CLTB: variants seen among roughly 807,000 people sequenced by gnomAD.
The protein encoded by CLTB is clathrin light chain B.
CLTB carries 10 observed loss-of-function variants against 30.5 expected under a neutral mutation model. That is an observed-to-expected ratio of 0.33 (90% CI 0.20 to 0.56). The LOEUF (loss-of-function observed/expected upper bound fraction) is 0.56. Among genes scored for constraint, CLTB ranks in the 20% least tolerant of loss-of-function variants. The pLI is 0.91. For synonymous variants in CLTB, 102 were observed against 120.3 expected, an observed-to-expected ratio of 0.85 and a Z score of 1.00; for missense variants, 261 against 308.3, an observed-to-expected ratio of 0.85 and a Z score of 1.15.
rs750071352 is a variant in CLTB at position 176,392,814 on chromosome 5, G to A, written c.650C>T (p.Ser217Leu). Residue 217 changes from serine to leucine, a missense_variant, in exon 6 of 6, where the codon TCG (serine) becomes TTG (leucine). Around this residue, in one of 3 missense-constraint regions of CLTB, gnomAD observed 25 missense variants for 48.8 expected, o/e 0.51. Coordinates refer to ENST00000310418, the MANE Select transcript of CLTB (RefSeq NM_007097.5). This position sits in a 1 kb window ranked among gnomAD's most constrained non-coding sequence, Gnocchi z 5.2. ...KQCKDVSRLR[S>L]VLMSLKQTPL... Reference sequence around the variant, plus strand: ...CGTCTGCTTCAGGGACATGAGCACCGAGCGCAGGCGGGACACATCTTTGCA... The same window carrying A: ...CGTCTGCTTCAGGGACATGAGCACCAAGCGCAGGCGGGACACATCTTTGCA... 8.1e-6 allele frequency: 13 copies of A among 1,614,122 alleles called. No individual in the cohort carries two copies. The highest frequency in any genetic ancestry group is 6.7e-5 in the East Asian group (3 of 44,900).
At chr5:176,395,725 C>T (rs1205771396) in intron 5 of CLTB, among the ~76,000 whole-genome samples, 2 of 152,140 alleles carry the variant, frequency 1.3e-5, no homozygotes, top group Non-Finnish European at 2.9e-5. Flanking sequence ...TGGGCAGGGG[C>T]TGATGGCCAA....
At position 176,400,232 on chromosome 5, in the gene CLTB, AG is replaced by A. The variant is rs551000640; in HGVS notation, c.235-2186del. Among the ~76,000 whole-genome samples, 763 of 152,268 alleles carry A rather than the reference AG, an allele frequency of 5.0e-3. 8 individuals are homozygous for A. The highest frequency in any genetic ancestry group is 8.9e-3 in the Non-Finnish European group (602 of 68,014). On this transcript the variant is annotated intron_variant, in intron 2 of 5. Transcript: ENST00000310418. The stretch of plus-strand genomic sequence containing the variant: ...AAGAAAGAAAGAAAGAAAGAAAAAA[AG>A]GAATAATATTAAGAACACCTCTAAG...
At position 176,397,992 on chromosome 5, in the gene CLTB, G is replaced by A. The variant is rs1310406740; in HGVS notation, c.290C>T (p.Thr97Ile). ...YAAIAQADRL[T>I]QEPESIRKWR... Reference sequence around the variant, plus strand: ...CTTGCGGATGCTCTCAGGCTCCTGGGTCAGCCTGTCAGCCTGGGCAATGGC... The same window carrying A: ...CTTGCGGATGCTCTCAGGCTCCTGGATCAGCCTGTCAGCCTGGGCAATGGC... Residue 97 changes from threonine (T) to isoleucine (I), a missense_variant, in exon 3 of 6, where the codon ACC becomes ATC. Coordinates refer to ENST00000310418, the MANE Select transcript of CLTB (RefSeq NM_007097.5). The A allele has an allele frequency of 6.2e-7, 1 of 1,614,118 alleles. No homozygotes were observed. Among genetic ancestry groups the A allele is most frequent in the South Asian group, 1.1e-5 (1 of 91,086 alleles).
chr5:176,416,138 C>A, intron 1 of CLTB, 39 bp downstream of exon 1: 2 of 1,472,294 alleles, frequency 1.4e-6, no homozygotes, highest in Non-Finnish European at 8.9e-7. Context: ...CCCCCGGGTG[C>A]GCGCCCTGAG....
At chr5:176,406,188 C>G (rs951261253) in intron 2 of CLTB, 1 of 995,192 alleles carries the variant, frequency 1.0e-6, no homozygotes, top group Non-Finnish European at 1.2e-6. Context: ...TCAGTCATGG[C>G]CAGGAGGGTT....
At position 176,392,541 on chromosome 5, in the gene CLTB, G is replaced by A. The variant is rs1379893347; in HGVS notation, c.*233C>T. 2 of 537,852 alleles carry A rather than the reference G, an allele frequency of 3.7e-6. No homozygotes were observed. Among genetic ancestry groups the A allele is most frequent in the Non-Finnish European group, 6.6e-6 (2 of 301,200 alleles). The allele number at this position is 537,852 out of a possible 1,614,324, so 33.3% of individuals were successfully genotyped here. ...TTAAGCCAAGAAAAAAAATACATCA[G>A]GAGGGACAGTCACAATTGAGTAGAC... is the stretch of plus-strand genomic sequence containing the variant. On this transcript the variant is annotated 3_prime_UTR_variant, in exon 6 of 6. Coordinates refer to ENST00000310418, the MANE Select transcript of CLTB (RefSeq NM_007097.5). The surrounding 1 kb of genome is among the most constrained non-coding windows in gnomAD (Gnocchi z 5.2).
intron 1 of CLTB, 99 bp from the exon 2 acceptor site, chr5:176,410,402 C>T: frequency 1.1e-6 from 1 of 906,566 alleles, no homozygotes; most frequent in South Asian, 1.5e-5. Flanking sequence ...CTGTGTATAC[C>T]CATGTATATA....
chr5:176,397,769 G>T, intron 3 of CLTB, 51 bp from the exon 4 acceptor site: 1 of 1,558,964 alleles, frequency 6.4e-7, no homozygotes, highest in Non-Finnish European at 8.8e-7. Context: ...GGATGCACAG[G>T]CCCGGCCGCG....
rs1181972031 is a variant in CLTB at position 176,402,987 on chromosome 5, G to A, written c.235-4940C>T. Among the ~76,000 whole-genome samples, 7 of 152,050 alleles carry A rather than the reference G, an allele frequency of 4.6e-5. 1 individual carries two copies. The highest frequency in any genetic ancestry group is 9.7e-5 in the African/African-American group (4 of 41,402). On this transcript the variant is annotated intron_variant, in intron 2 of 5. Coordinates refer to ENST00000310418, the MANE Select transcript of CLTB (RefSeq NM_007097.5). ...GAGGAGAGGAGTGGTGAGGGGCCCTGAACAGGAGTCTCTTTTCATCTGTAT... is the reference window on the plus strand; with the variant it reads ...GAGGAGAGGAGTGGTGAGGGGCCCTAAACAGGAGTCTCTTTTCATCTGTAT...
chr5:176,411,426 C>T (rs2113682123), intron 1 of CLTB, among the ~76,000 whole-genome samples: 1 of 152,292 alleles, frequency 6.6e-6, no homozygotes, highest in South Asian at 2.1e-4. Flanking sequence ...GGTGCTGTTC[C>T]CTCTGCCTGG....
chr5:176,414,615 G>GT (rs1350987533), intron 1 of CLTB, among the ~76,000 whole-genome samples: 1 of 151,956 alleles, frequency 6.6e-6, no homozygotes, highest in Non-Finnish European at 1.5e-5. Context: ...GCTAATTTTT[G>GT]TATGTTTTGT....
chr5:176,404,835 C>A (rs901702304), intron 2 of CLTB, among the ~76,000 whole-genome samples: 2 of 152,234 alleles, frequency 1.3e-5, no homozygotes, highest in African/African-American at 4.8e-5. Flanking sequence ...TTCCCTTGGC[C>A]TTGGCCAAGG....
intron 1 of CLTB, among the ~76,000 whole-genome samples, chr5:176,411,077 A>G (rs1156964819): frequency 6.6e-6 from 1 of 152,236 alleles, no homozygotes; most frequent in Non-Finnish European, 1.5e-5. Flanking sequence ...CTGGGAAGAC[A>G]TAACTGTGTC....
intron 2 of CLTB, among the ~76,000 whole-genome samples, chr5:176,402,411 G>A (rs1182459664): frequency 6.6e-6 from 1 of 152,294 alleles, no homozygotes. Context: ...TCCTCTATTC[G>A]TGCACTCTTG....
intron 1 of CLTB, among the ~76,000 whole-genome samples, chr5:176,410,508 A>C (rs992182648): frequency 6.6e-6 from 1 of 152,140 alleles, no homozygotes; most frequent in South Asian, 2.1e-4. Flanking sequence ...CCATTAGTAC[A>C]TTTTATGTTC....
chr5:176,397,741 G>C (rs757907734), intron 3 of CLTB, 23 bp from the exon 4 acceptor site: 54 of 1,604,840 alleles, frequency 3.4e-5, no homozygotes, highest in Non-Finnish European at 4.6e-5. Flanking sequence ...AAGAGAATGA[G>C]TGGCTGCTTT....
intron 3 of CLTB, 25 bp from the exon 4 acceptor site, chr5:176,397,743 G>T (rs1756614957): frequency 1.2e-6 from 2 of 1,601,994 alleles, no homozygotes; most frequent in Admixed American, 1.7e-5. Flanking sequence ...GAGAATGAGT[G>T]GCTGCTTTCC....
Position 176,392,594 on chromosome 5 carries a change from G to C in CLTB, c.*180C>G. 1 of 622,454 alleles carries C rather than the reference G, an allele frequency of 1.6e-6. No homozygotes were observed. The allele number at this position is 622,454 out of a possible 1,614,324, so 38.6% of individuals were successfully genotyped here. A position where few individuals can be genotyped will look rare whatever the true frequency, so the allele number is the denominator to read the frequency against. ...AGAGGAGGCGTGAGGGGCTGGACCA[G>C]AGGGCCAGGAGGGAGCGAGGCGTGA... is the stretch of plus-strand genomic sequence containing the variant. On this transcript the variant is annotated 3_prime_UTR_variant, in exon 6 of 6. Transcript: ENST00000310418. The surrounding 1 kb of genome is among the most constrained non-coding windows in gnomAD (Gnocchi z 5.2).
Position 176,416,071 on chromosome 5 carries a change from GC to G in CLTB, c.187+105del. Reference sequence around the variant, plus strand: ...TTCTTCCCCACGTCTCCCAGCTCCTGCCCCGGGTGGCCTAGAGCAGGCTCTC... The same window carrying G: ...TTCTTCCCCACGTCTCCCAGCTCCTGCCCGGGTGGCCTAGAGCAGGCTCTC... On this transcript the variant is annotated intron_variant, in intron 1 of 5. Coordinates refer to ENST00000310418, the MANE Select transcript of CLTB (RefSeq NM_007097.5). The G allele has an allele frequency of 4.8e-6, 5 of 1,039,776 alleles. No homozygotes were observed. The South Asian group carries it at 5.4e-5, about 11-fold the overall frequency. 64.4% of individuals were successfully genotyped at this position (1,039,776 alleles called of 1,614,324 possible).
Sources: allele counts gnomAD v4.1 joint callset (sites outside exome capture counted in the v4.1 genomes callset), GRCh38; gene constraint gnomAD v4.1.1; regional missense constraint gnomAD v4.1.1; non-coding constraint Gnocchi (gnomAD v3.1); transcripts MANE v1.5; gene names NCBI Gene and HGNC (gene_info 2026-07-23, HGNC 2026-07-21).